INTS9: variants seen among roughly 807,000 people sequenced by gnomAD.
INTS9 encodes protein related to CPSF subunits of 74 kDa.
INTS9 carries 55 observed loss-of-function variants against 79.7 expected under a neutral mutation model. That is an observed-to-expected ratio of 0.69 (90% CI 0.56 to 0.86). The LOEUF (loss-of-function observed/expected upper bound fraction) is 0.86, where lower values mean the gene tolerates loss of function less well. INTS9 is among the 40% of genes least tolerant of loss of function. The probability of loss-of-function intolerance (pLI) is 0.00; values close to 1 mark genes in which losing one functional copy is unlikely to be tolerated. For synonymous variants in INTS9, 319 were observed against 325.2 expected (o/e 0.98, Z 0.20); for missense variants, 721 against 831.5 (o/e 0.87, Z 1.64).
chr8:28,822,778 T>C lies in INTS9; in HGVS notation c.489-9166A>G, dbSNP rs557741905. Among the ~76,000 whole-genome samples the C allele has an allele frequency of 3.2e-4, 48 of 152,230 alleles. No individual in the cohort carries two copies. The South Asian group carries it at 9.5e-3, about 30-fold the overall frequency. ...ATGTTTTCAATATTGTAAGAGAAAA[T>C]TGTATCTAATGTAGATTTCTATCAA... is the stretch of plus-strand genomic sequence containing the variant. On this transcript the variant is annotated intron_variant, in intron 6 of 16. Transcript: ENST00000521022.
At chr8:28,784,251 T>C (rs574317060) in intron 11 of INTS9, among the ~76,000 whole-genome samples, 1 of 152,314 alleles carries the variant, frequency 6.6e-6, no homozygotes, top group African/African-American at 2.4e-5. Flanking sequence ...CACCAGGTCA[T>C]TTGTGACAGG....
intron 6 of INTS9, among the ~76,000 whole-genome samples, chr8:28,817,174 C>A (rs1274003723): frequency 6.6e-6 from 1 of 151,124 alleles, no homozygotes; most frequent in African/African-American, 2.4e-5. Context: ...TCCCATTTGT[C>A]AATTTTGGCT....
At chr8:28,854,947 C>T (rs996418224) in intron 2 of INTS9, among the ~76,000 whole-genome samples, 1 of 152,192 alleles carries the variant, frequency 6.6e-6, no homozygotes, top group Non-Finnish European at 1.5e-5. Flanking sequence ...ATCCATGTCA[C>T]TACAAAGGGC....
intron 1 of INTS9, among the ~76,000 whole-genome samples, chr8:28,885,085 C>T (rs945487938): frequency 6.6e-6 from 1 of 152,216 alleles, no homozygotes; most frequent in Non-Finnish European, 1.5e-5. Context: ...CCACTGGGAG[C>T]AGTCCATGAA....
intron 6 of INTS9, among the ~76,000 whole-genome samples, chr8:28,819,975 C>G (rs1288929553): frequency 6.6e-6 from 1 of 152,036 alleles, no homozygotes; most frequent in Non-Finnish European, 1.5e-5. Context: ...GGATTGCAAC[C>G]CCTGCCTTTT....
rs146643501 is a variant in INTS9 at position 28,786,818 on chromosome 8, C to T, written c.1098+1011G>A. Among the ~76,000 whole-genome samples, 247 of 152,202 alleles carry T rather than the reference C, an allele frequency of 1.6e-3. 1 individual carries two copies. The highest frequency in any genetic ancestry group is 5.6e-3 in the African/African-American group (232 of 41,524). On this transcript the variant is annotated intron_variant, in intron 11 of 16. Coordinates refer to ENST00000521022, the MANE Select transcript of INTS9 (RefSeq NM_018250.4). ...CTGCAAGCTCCGCCTCCCAGGTTCA[C>T]GCCATTCTCCTGCTTCAGCCTCCCG...
At chr8:28,787,394 A>T (rs1174171757) in intron 11 of INTS9, among the ~76,000 whole-genome samples, 1 of 152,242 alleles carries the variant, frequency 6.6e-6, no homozygotes, top group Non-Finnish European at 1.5e-5. Flanking sequence ...TCATGCAGTC[A>T]GTAGAACAGA....
At chr8:28,858,156 T>C (rs1238386878) in intron 2 of INTS9, among the ~76,000 whole-genome samples, 1 of 152,200 alleles carries the variant, frequency 6.6e-6, no homozygotes, top group Non-Finnish European at 1.5e-5. Context: ...ACAGAGCAGG[T>C]TGGGCTCCCT....
At chr8:28,783,180 C>T (rs948511425) in intron 11 of INTS9, among the ~76,000 whole-genome samples, 1 of 150,442 alleles carries the variant, frequency 6.6e-6, no homozygotes, top group African/African-American at 2.5e-5. Flanking sequence ...GAAGCAGGTG[C>T]CCCGCAGCCT....
intron 2 of INTS9, among the ~76,000 whole-genome samples, chr8:28,854,001 G>A (rs964953737): frequency 7.2e-5 from 11 of 152,110 alleles, no homozygotes; most frequent in African/African-American, 2.2e-4. Flanking sequence ...GATTACAGGC[G>A]TAAGCCACCG....
intron 1 of INTS9, among the ~76,000 whole-genome samples, chr8:28,867,230 C>T (rs977655105): frequency 2.0e-5 from 3 of 152,192 alleles, no homozygotes; most frequent in Non-Finnish European, 4.4e-5. Context: ...CAAGACCAGC[C>T]TGACCAACAT....
At chr8:28,886,303 A>C (rs190424256) in intron 1 of INTS9, among the ~76,000 whole-genome samples, 1 of 152,228 alleles carries the variant, frequency 6.6e-6, no homozygotes, top group Admixed American at 6.5e-5. Flanking sequence ...GTTGTAATGC[A>C]GTGGTGCCAT....
At chr8:28,854,753 T>G (rs1808048592) in intron 2 of INTS9, among the ~76,000 whole-genome samples, 1 of 151,956 alleles carries the variant, frequency 6.6e-6, no homozygotes, top group Non-Finnish European at 1.5e-5. Context: ...GGAGGCAGCA[T>G]CAAAAGATTT....
intron 8 of INTS9, among the ~76,000 whole-genome samples, chr8:28,802,938 C>T (rs758429751): frequency 3.5e-5 from 5 of 144,692 alleles, no homozygotes; most frequent in East Asian, 2.0e-4. Flanking sequence ...GGTAAAACCC[C>T]GTTTCTACAA....
intron 3 of INTS9, among the ~76,000 whole-genome samples, chr8:28,848,087 C>G (rs1807630783): frequency 6.6e-6 from 1 of 152,226 alleles, no homozygotes. Flanking sequence ...CTGAAGGCCA[C>G]TAATGCTTTC....
intron 2 of INTS9, among the ~76,000 whole-genome samples, chr8:28,851,563 G>A (rs978391344): frequency 7.3e-5 from 11 of 151,536 alleles, no homozygotes; most frequent in Non-Finnish European, 1.3e-4. Context: ...TCAGCCTCCC[G>A]AGTAGCTGGG....
intron 4 of INTS9, among the ~76,000 whole-genome samples, chr8:28,841,743 A>G (rs754550436): frequency 2.0e-5 from 3 of 152,292 alleles, no homozygotes; most frequent in South Asian, 2.1e-4. Flanking sequence ...TATACTATAT[A>G]TGGTATTCTT....
chr8:28,852,650 C>T (rs1000488042), intron 2 of INTS9, among the ~76,000 whole-genome samples: 2 of 152,214 alleles, frequency 1.3e-5, no homozygotes, highest in Non-Finnish European at 2.9e-5. Flanking sequence ...ATCAGACCCA[C>T]ACAAATCAGA....
chr8:28,867,531 T>TAAAAA (rs766435433), intron 1 of INTS9, among the ~76,000 whole-genome samples: 1 of 117,454 alleles, frequency 8.5e-6, no homozygotes, highest in African/African-American at 3.2e-5. Flanking sequence ...GAGCTGAGAT[T>TAAAAA]AAAAAAAAAA....
Sources: allele counts gnomAD v4.1 joint callset (sites outside exome capture counted in the v4.1 genomes callset), GRCh38; gene constraint gnomAD v4.1.1; transcripts MANE v1.5; gene names NCBI Gene and HGNC (gene_info 2026-07-23, HGNC 2026-07-21).